The following GAB2 variants were observed in gnomAD, a reference collection of about 807,000 sequenced individuals.
GAB2 encodes GRB2-associated-binding protein 2.
Under a neutral mutation model 65.5 loss-of-function variants are expected in GAB2, and 26 were observed. The ratio of observed to expected loss-of-function variants is 0.40; its 90% CI spans 0.29 to 0.55. The LOEUF is 0.55. GAB2 is among the 20% of genes least tolerant of loss of function. GAB2 has a pLI of 0.53. For synonymous variants in GAB2, 321 were observed against 329.6 expected (o/e 0.97, Z 0.28); for missense variants, 884 against 875.8 (o/e 1.01, Z -0.12).
In GAB2 at chr11:78,223,440, G is replaced by T; in HGVS notation, c.1539C>A (p.Val513=). 6.3e-7 allele frequency: 1 copy of T among 1,574,802 alleles called. No individual in the cohort carries two copies. Among genetic ancestry groups the T allele is most frequent in the East Asian group, 2.3e-5 (1 of 44,086 alleles). The change falls in exon 6 of 10, where the codon GTC becomes GTA. Residue 513 remains valine (V), a synonymous_variant. Transcript: ENST00000361507. ...TCCGATCAGGTTTGAGGTTGCGGTTGACAGGGGGTGGCTGAATCTCACTTC... is the reference window on the plus strand; with the variant it reads ...TCCGATCAGGTTTGAGGTTGCGGTTTACAGGGGGTGGCTGAATCTCACTTC... ...SRGSEIQPPP[V]NRNLKPDRKA...
intron 3 of GAB2, among the ~76,000 whole-genome samples, chr11:78,237,326 T>A (rs189037525): frequency 2.6e-5 from 4 of 152,372 alleles, no homozygotes; most frequent in East Asian, 1.9e-4. Context: ...TGAATTGTGA[T>A]ATAAAGATAC....
chr11:78,219,582 CT>C (rs2134450074), intron 9 of GAB2, among the ~76,000 whole-genome samples, 167 bp from the exon 10 acceptor site: 1 of 152,302 alleles, frequency 6.6e-6, no homozygotes, highest in Non-Finnish European at 1.5e-5. Flanking sequence ...TGAATGTGGG[CT>C]TTAAAGCTCA....
chr11:78,267,857 C>CAAAAAAAAAAAAA (rs751533828), intron 2 of GAB2, among the ~76,000 whole-genome samples: 2 of 32,802 alleles, frequency 6.1e-5, no homozygotes, highest in African/African-American at 1.9e-4. Context: ...GACTCCGTCT[C>CAAAAAAAAAAAAA]AAAAAAAAAA....
intron 2 of GAB2, among the ~76,000 whole-genome samples, chr11:78,253,910 G>A (rs564734202): frequency 5.3e-5 from 8 of 152,224 alleles, no homozygotes; most frequent in Non-Finnish European, 1.0e-4. Flanking sequence ...TACAATAAAC[G>A]CCATTGACAC....
At chr11:78,272,091 GTC>G (rs370569492) in intron 2 of GAB2, among the ~76,000 whole-genome samples, 204 of 152,288 alleles carry the variant, frequency 1.3e-3, no homozygotes, top group African/African-American at 4.8e-3. Context: ...ACTCCATTAT[GTC>G]TCTCTCTCTT....
chr11:78,390,074 G>C (rs1345428456), intron 1 of GAB2, among the ~76,000 whole-genome samples: 1 of 152,164 alleles, frequency 6.6e-6, no homozygotes, highest in Admixed American at 6.5e-5. Flanking sequence ...GCCACGTGCA[G>C]TAACAAAAGA....
intron 9 of GAB2, among the ~76,000 whole-genome samples, chr11:78,219,913 C>T (rs1864335681): frequency 6.6e-6 from 1 of 152,182 alleles, no homozygotes; most frequent in African/African-American, 2.4e-5. Flanking sequence ...CTTTCCCAGG[C>T]CTGGAAGTCC....
rs1374784338 is a variant in GAB2 at position 78,226,812 on chromosome 11, G to T, written c.860C>A (p.Thr287Lys). 1 of 1,613,980 alleles carries T rather than the reference G, an allele frequency of 6.2e-7. No homozygotes were observed. Among genetic ancestry groups the T allele is most frequent in the African/African-American group, 1.3e-5 (1 of 74,918 alleles). ...GAAGGTGTACACATCCTCATTATCT[G>T]TCTCGGAGCCTGTGAGGCTGCCCTT... ...HTKGSLTGSETDNEDVYTFKT... is the reference protein window; with the variant it reads ...HTKGSLTGSEKDNEDVYTFKT... The change falls in exon 4 of 10, where the codon ACA (threonine) becomes AAA (lysine). Residue 287 changes from threonine (T) to lysine (K), a missense_variant. Physicochemically the swap from Thr to Lys is moderately conservative, Grantham distance 78 (BLOSUM62 -1). Coordinates refer to ENST00000361507, the MANE Select transcript of GAB2 (RefSeq NM_080491.3).
At chr11:78,379,850 A>G (rs988520137) in intron 1 of GAB2, among the ~76,000 whole-genome samples, 1 of 152,240 alleles carries the variant, frequency 6.6e-6, no homozygotes, top group African/African-American at 2.4e-5. Context: ...TAAGACCAAG[A>G]AAGTGCCAAA....
chr11:78,402,098 CT>C (rs1856980895), intron 1 of GAB2, among the ~76,000 whole-genome samples: 1 of 152,170 alleles, frequency 6.6e-6, no homozygotes, highest in Admixed American at 6.5e-5. Flanking sequence ...TTCTCTCTTA[CT>C]TACCTCTCCA....
intron 1 of GAB2, among the ~76,000 whole-genome samples, chr11:78,306,442 G>T (rs1855360976): frequency 6.6e-6 from 1 of 152,168 alleles, no homozygotes. Context: ...ATGTTGCCCA[G>T]GCTGGTCGTG....
rs184685720 is a variant in GAB2, at chr11:78,269,883, A to C, written c.376+10718T>G. 9.1e-4 allele frequency among the ~76,000 whole-genome samples: 139 copies of C among 152,346 alleles called. 1 individual carries two copies. Among genetic ancestry groups the C allele is most frequent in the African/African-American group, 3.2e-3 (135 of 41,580 alleles). On this transcript the variant is annotated intron_variant, in intron 2 of 9. Transcript: ENST00000361507. ...CCTGCCAAGGAGTTCGAGAAGGTAA[A>C]AAACTAAAATAGTAGAGAAGATACA...
At chr11:78,353,867 G>C (rs962819964) in intron 1 of GAB2, among the ~76,000 whole-genome samples, 1 of 152,162 alleles carries the variant, frequency 6.6e-6, no homozygotes, top group African/African-American at 2.4e-5. Context: ...GATAACTCCT[G>C]GTACTGAACT....
chr11:78,292,029 T>TGTGAGA (rs10577079), intron 1 of GAB2, among the ~76,000 whole-genome samples: 18,708 of 105,696 alleles, frequency 0.18, 1,589 homozygotes, highest in East Asian at 0.48. Context: ...TGTGTGTGTG[T>TGTGAGA]GAGAGAGAGA....
At position 78,226,898 on chromosome 11, in the gene GAB2, A is replaced by G; in HGVS notation, c.774T>C (p.Asn258=). The change falls in exon 4 of 10, where the codon AAT becomes AAC. Residue 258 remains asparagine, a synonymous_variant. Transcript: ENST00000361507. ...CGTAGGTACTGTCTCTGAATTCTGT[A>G]TTGTGCCGGCTCGGCTTGGGAAGGC... ...FYSLPKPSRH[N]TEFRDSTYDL... is the part of the protein sequence containing the mutation. The G allele has an allele frequency of 6.2e-7, 1 of 1,613,824 alleles. No homozygotes were observed. Among genetic ancestry groups the G allele is most frequent in the Non-Finnish European group, 8.5e-7 (1 of 1,179,962 alleles).
At chr11:78,264,765 A>G (rs1404489750) in intron 2 of GAB2, among the ~76,000 whole-genome samples, 1 of 152,198 alleles carries the variant, frequency 6.6e-6, no homozygotes, top group African/African-American at 2.4e-5. Context: ...CAAATCAGGA[A>G]ATTCAGCAAG....
At chr11:78,395,412 C>T (rs928360960) in intron 1 of GAB2, among the ~76,000 whole-genome samples, 2 of 152,220 alleles carry the variant, frequency 1.3e-5, no homozygotes, top group Admixed American at 1.3e-4. Flanking sequence ...TCAGATCATG[C>T]CACTGCATTC....
At chr11:78,290,554 G>C (rs546378779) in intron 1 of GAB2, among the ~76,000 whole-genome samples, 1 of 152,068 alleles carries the variant, frequency 6.6e-6, no homozygotes, top group Admixed American at 6.5e-5. Flanking sequence ...TGCTCTTGGC[G>C]CCCAGAAAAC....
At chr11:78,370,030 G>A (rs1856546118) in intron 1 of GAB2, among the ~76,000 whole-genome samples, 1 of 151,988 alleles carries the variant, frequency 6.6e-6, no homozygotes, top group South Asian at 2.1e-4. Context: ...GGCCGAGGCG[G>A]GCGGATCACG....
Sources: gnomAD v4.1 joint callset for allele counts (sites outside exome capture counted in the v4.1 genomes callset) on GRCh38, gnomAD v4.1.1 for gene constraint, MANE v1.5 for transcripts, NCBI Gene and HGNC (gene_info 2026-07-23, HGNC 2026-07-21) for gene names.